Variants in PCNX3 observed in about 807,000 individuals in gnomAD.
PCNX3 encodes the protein pecanex 3.
PCNX3 carries 58 observed loss-of-function variants against 207.2 expected under a neutral mutation model. That is an observed-to-expected ratio of 0.28 (90% CI 0.23 to 0.35). The LOEUF is 0.35. Ranked by LOEUF, PCNX3 falls within the 10% of genes least tolerant of loss-of-function variation. The pLI is 1.00. For missense variants in PCNX3, 2,410 were observed against 2,774.4 expected, an observed-to-expected ratio of 0.87 and a Z score of 2.95; for synonymous variants, 1,337 against 1,183.5, an observed-to-expected ratio of 1.13 and a Z score of -2.66.
chr11:65,631,148 G>A (rs1855601928), intron 27 of PCNX3, among the ~76,000 whole-genome samples: 1 of 152,054 alleles, frequency 6.6e-6, no homozygotes, highest in Admixed American at 6.6e-5. Context: ...GGCTGGCCCT[G>A]AGCCACAGAG....
Position 65,617,712 on chromosome 11 carries a change from TG to T in PCNX3, c.577+9del, listed in dbSNP as rs1299241439. The T allele has an allele frequency of 6.4e-7, 1 of 1,556,684 alleles. No individual in the cohort carries two copies. Among genetic ancestry groups the T allele is most frequent in the East Asian group, 2.4e-5 (1 of 41,454 alleles). The stretch of plus-strand genomic sequence containing the variant: ...CAGCTCGCAGGAGAAACTGAGTGCG[TG>T]GGCCTTATGGGGCCGAGGCTTGTGG... On this transcript the variant is annotated splice_region_variant and intron_variant, in intron 5 of 34. Transcript: ENST00000355703.
Position 65,622,279 on chromosome 11 carries a change from C to A in PCNX3, c.2270C>A (p.Ala757Asp). 6.2e-7 allele frequency: 1 copy of A among 1,601,704 alleles called. No individual in the cohort carries two copies. The change falls in exon 11 of 35, where the codon GCC becomes GAC. Residue 757 changes from alanine to aspartate, a missense_variant. By Grantham distance (126) the Ala-to-Asp change is moderately radical. Around this residue, in one of 8 missense-constraint regions of PCNX3, gnomAD observed 177 missense variants for 257.5 expected, o/e 0.69. Transcript: ENST00000355703. ...QTLMEEAPPR[A>D]QHSYKYWLLP... ...CTGATGGAAGAAGCGCCACCCCGGG[C>A]CCAGCATAGTTACAAGTACTGGCTT...
intron 10 of PCNX3, among the ~76,000 whole-genome samples, chr11:65,621,425 A>G (rs538174340): frequency 4.1e-4 from 62 of 152,376 alleles, no homozygotes; most frequent in Admixed American, 9.8e-4. Context: ...CAGTTTGGAC[A>G]GTAAATTTGT....
In PCNX3 at chr11:65,626,008, A is replaced by G; in HGVS notation, c.3333A>G (p.Ser1111=). 1 of 1,613,068 alleles carries G rather than the reference A, an allele frequency of 6.2e-7. No individual in the cohort carries two copies. Among genetic ancestry groups the G allele is most frequent in the Non-Finnish European group, 8.5e-7 (1 of 1,179,644 alleles). ...LRKQLPWFCL[S]QPVLKPLEYS... is the part of the protein sequence containing the mutation. ...AACAGCTGCCCTGGTTCTGCCTGTC[A>G]CAGCCCGTGCTGAAGCCGCTGGAGT... The change falls in exon 20 of 35, where the codon TCA becomes TCG. Residue 1111 remains serine (S), a synonymous_variant. Transcript: ENST00000355703.
intron 20 of PCNX3, chr11:65,626,587 C>T (rs1855402889): frequency 2.2e-6 from 1 of 458,330 alleles, no homozygotes; most frequent in Admixed American, 3.6e-5. Flanking sequence ...TAGAAGGGCC[C>T]AGCTCACGGG....
Position 65,620,334 on chromosome 11 carries a change from C to T in PCNX3, c.2009-5C>T, listed in dbSNP as rs1855021787. 6.2e-7 allele frequency: 1 copy of T among 1,612,298 alleles called. No individual in the cohort carries two copies. Among genetic ancestry groups the T allele is most frequent in the Non-Finnish European group, 8.5e-7 (1 of 1,179,144 alleles). Reference sequence around the variant, plus strand: ...CGCTGCCTCATCTCCCATACCCTGCCCCAGGTGTGCGGCGTTCCTACACCT... The same window carrying T: ...CGCTGCCTCATCTCCCATACCCTGCTCCAGGTGTGCGGCGTTCCTACACCT... On this transcript the variant is annotated splice_region_variant and splice_polypyrimidine_tract_variant and intron_variant, in intron 8 of 34. Transcript: ENST00000355703.
chr11:65,626,492 T>G, intron 20 of PCNX3: 1 of 394,280 alleles, frequency 2.5e-6, no homozygotes, highest in South Asian at 2.2e-5. Flanking sequence ...GTTTCTTGAG[T>G]TTTTCTTAAA....
chr11:65,622,330 G>T lies in PCNX3; in HGVS notation c.2321G>T (p.Arg774Leu), dbSNP rs544833875. The T allele has an allele frequency of 6.3e-7, 1 of 1,596,068 alleles. No individual in the cohort carries two copies. Among genetic ancestry groups the T allele is most frequent in the Non-Finnish European group, 8.5e-7 (1 of 1,172,250 alleles). Residue 774 changes from arginine (R) to leucine (L), a missense_variant, in exon 11 of 35, where the codon CGC (arginine) becomes CTC (leucine). Arg to Leu is a moderately radical substitution (Grantham distance 102, BLOSUM62 -2). Coordinates refer to ENST00000355703, the MANE Select transcript of PCNX3 (RefSeq NM_032223.4). Reference protein sequence around the residue: ...WLLPGRWTSVRYERLALLALL... With the variant: ...WLLPGRWTSVLYERLALLALL... ...CTCCCTGGCCGCTGGACCTCTGTGC[G>T]CTATGAGCGGCTTGCCCTGCTGGCT... is the stretch of plus-strand genomic sequence containing the variant.
intron 27 of PCNX3, among the ~76,000 whole-genome samples, chr11:65,631,970 C>T (rs539727802): frequency 6.6e-6 from 1 of 152,288 alleles, no homozygotes; most frequent in Non-Finnish European, 1.5e-5. Context: ...TGTGAGACCA[C>T]CCCCCTTTCA....
chr11:65,618,091 G>T lies in PCNX3; in HGVS notation c.729G>T (p.Gly243=), dbSNP rs2135400745. ...ADTPMSPLLK[G]SLSQELSKSF... ...CTCCCATGAGCCCCCTGCTGAAGGGGAGCCTCAGCCAGGAGCTGAGCAAGA... is the reference window on the plus strand; with the variant it reads ...CTCCCATGAGCCCCCTGCTGAAGGGTAGCCTCAGCCAGGAGCTGAGCAAGA... Residue 243 remains glycine, a synonymous_variant, in exon 6 of 35, where the codon GGG becomes GGT. Transcript: ENST00000355703. 6.2e-7 allele frequency: 1 copy of T among 1,609,468 alleles called. No homozygotes were observed. Among genetic ancestry groups the T allele is most frequent in the East Asian group, 2.2e-5 (1 of 44,754 alleles).
chr11:65,624,639 T>C, intron 15 of PCNX3, 58 bp downstream of exon 15: 1 of 1,436,576 alleles, frequency 7.0e-7, no homozygotes, highest in South Asian at 1.2e-5. Flanking sequence ...AGGAGGGCCC[T>C]CGGATTGGGT....
At chr11:65,619,292 C>T (rs956646527) in intron 6 of PCNX3, 1 of 415,944 alleles carries the variant, frequency 2.4e-6, no homozygotes, top group Non-Finnish European at 3.2e-6. Flanking sequence ...TCTCTGTCCC[C>T]TGAGGACTCT....
Position 65,618,683 on chromosome 11 carries a change from C to T in PCNX3, c.1321C>T (p.Arg441Cys), listed in dbSNP as rs747723726. 26 of 1,613,328 alleles carry T rather than the reference C, an allele frequency of 1.6e-5. No individual in the cohort carries two copies. Among genetic ancestry groups the T allele is most frequent in the South Asian group, 9.9e-5 (9 of 91,086 alleles). The change falls in exon 6 of 35, where the codon CGC (arginine) becomes TGC (cysteine). Residue 441 changes from arginine to cysteine, a missense_variant. Physicochemically the swap from Arg to Cys is radical, Grantham distance 180. Around this residue, in one of 8 missense-constraint regions of PCNX3, gnomAD observed 1,104 missense variants for 970.3 expected, o/e 1.14. Transcript: ENST00000355703. ...GGCCTCCAGTCTCCGATCGCAGCGCCGCTACAGTACTGACAGCTCCTCTTC... is the reference window on the plus strand; with the variant it reads ...GGCCTCCAGTCTCCGATCGCAGCGCTGCTACAGTACTGACAGCTCCTCTTC... ...SPASSLRSQR[R>C]YSTDSSSSTS...
intron 21 of PCNX3, 54 bp from the exon 22 acceptor site, chr11:65,627,351 T>G: frequency 6.4e-7 from 1 of 1,564,664 alleles, no homozygotes; most frequent in South Asian, 1.2e-5. Context: ...GGGACACCTA[T>G]ACCCACTGCC....
chr11:65,628,334 G>A (rs778972351), intron 22 of PCNX3, among the ~76,000 whole-genome samples: 9 of 152,162 alleles, frequency 5.9e-5, no homozygotes, highest in Non-Finnish European at 1.2e-4. Context: ...GTGAAAAGGG[G>A]CCAGCAATAG....
intron 27 of PCNX3, among the ~76,000 whole-genome samples, chr11:65,632,696 C>T (rs989654143): frequency 3.4e-5 from 5 of 148,002 alleles, no homozygotes; most frequent in Non-Finnish European, 7.4e-5. Context: ...GTTAACCAAG[C>T]ACCTGATATG....
chr11:65,619,894 C>T lies in PCNX3; in HGVS notation c.1970C>T (p.Thr657Ile), dbSNP rs1046512384. The T allele has an allele frequency of 6.2e-7, 1 of 1,611,906 alleles. No homozygotes were observed. The highest frequency in any genetic ancestry group is 8.5e-7 in the Non-Finnish European group (1 of 1,179,430). The change falls in exon 8 of 35, where the codon ACT (threonine) becomes ATT (isoleucine). Residue 657 changes from threonine (T) to isoleucine (I), a missense_variant. Thr to Ile is a moderately conservative substitution (Grantham distance 89). Transcript: ENST00000355703. ...NVHEACTFDD[T>I]SEGAVHYFYD... ...CATGAGGCCTGCACCTTTGATGACA[C>T]TTCTGAGGGTGCTGTGCACTATTTC...
Position 65,636,975 on chromosome 11 carries a change from C to T in PCNX3, c.6102C>T (p.Tyr2034=), listed in dbSNP as rs1390586857. Residue 2034 remains tyrosine, a synonymous_variant, in exon 35 of 35, where the codon TAC becomes TAT. Transcript: ENST00000355703. ...PAAQPLLEHQ[Y] is the part of the protein sequence containing the mutation. ...CCCAGCCCCTGCTGGAACACCAGTA[C>T]TGAGCTACCTGGCGCCCACTGGACC... 3 of 1,566,828 alleles carry T rather than the reference C, an allele frequency of 1.9e-6. No individual in the cohort carries two copies. Among genetic ancestry groups the T allele is most frequent in the East Asian group, 2.4e-5 (1 of 42,274 alleles).
At chr11:65,620,757 T>C (rs1855044698) in intron 9 of PCNX3, 74 bp from the exon 10 acceptor site, 2 of 1,546,234 alleles carry the variant, frequency 1.3e-6, no homozygotes, top group African/African-American at 1.4e-5. Flanking sequence ...CTGCCTGGCC[T>C]TGGCCTCGGC....
Sources: allele counts gnomAD v4.1 joint callset (sites outside exome capture counted in the v4.1 genomes callset), GRCh38; gene constraint gnomAD v4.1.1; regional missense constraint gnomAD v4.1.1; transcripts MANE v1.5; gene names NCBI Gene and HGNC (gene_info 2026-07-23, HGNC 2026-07-21).